Variants in MYO16 observed in about 807,000 individuals in gnomAD.
MYO16 encodes the protein unconventional myosin-XVI.
Under a neutral mutation model 205.3 loss-of-function variants are expected in MYO16, and 94 were observed. That is an observed-to-expected ratio of 0.46 (90% CI 0.39 to 0.54). The LOEUF (loss-of-function observed/expected upper bound fraction) is 0.54. Ranked by LOEUF, MYO16 falls within the 20% of genes least tolerant of loss-of-function variation. MYO16 has a pLI of 0.00. For missense variants in MYO16, 2,315 were observed against 2,387.5 expected (o/e 0.97, Z 0.63); for synonymous variants, 988 against 954.0 (o/e 1.04, Z -0.66).
intron 1 of MYO16, among the ~76,000 whole-genome samples, chr13:108,641,123 G>A (rs2139378280): frequency 6.6e-6 from 1 of 152,322 alleles, no homozygotes; most frequent in East Asian, 1.9e-4. Flanking sequence ...ACATATATTT[G>A]TGGTTGCAAA....
At chr13:108,750,483 T>C (rs1885196369) in intron 4 of MYO16, among the ~76,000 whole-genome samples, 1 of 151,950 alleles carries the variant, frequency 6.6e-6, no homozygotes, top group African/African-American at 2.4e-5. Context: ...AGTTAACAAT[T>C]CTGGGCAGGG....
intron 16 of MYO16, among the ~76,000 whole-genome samples, chr13:108,931,263 C>T (rs943741886): frequency 3.9e-5 from 6 of 152,224 alleles, no homozygotes; most frequent in Non-Finnish European, 4.4e-5. Flanking sequence ...TGTCTATTCT[C>T]ATTCAAGTTA....
intron 1 of MYO16, among the ~76,000 whole-genome samples, chr13:108,603,147 G>T (rs1321925995): frequency 6.6e-6 from 1 of 152,072 alleles, no homozygotes; most frequent in African/African-American, 2.4e-5. Context: ...CACACATCTC[G>T]CCTAAAAACC....
At chr13:108,689,157 T>G (rs572287930) in intron 2 of MYO16, among the ~76,000 whole-genome samples, 105 of 152,276 alleles carry the variant, frequency 6.9e-4, no homozygotes, top group African/African-American at 2.4e-3. Context: ...ATTGTTGATA[T>G]GACAACAATT....
rs560026126 is a variant in MYO16 at position 108,936,046 on chromosome 13, G to C, written c.1926-21642G>C. On this transcript the variant is annotated intron_variant, in intron 16 of 34. Transcript: ENST00000457511. ...ATTTGTTTTGCTAGTATTTCGTTGA[G>C]ATTTTTGTGTCTATGTTCATCAGGG... is the stretch of plus-strand genomic sequence containing the variant. 7.3e-5 allele frequency among the ~76,000 whole-genome samples: 11 copies of C among 151,478 alleles called. No individual in the cohort carries two copies. In the East Asian group the frequency reaches 1.7e-3, roughly 24 times the overall value.
At chr13:108,979,977 C>G (rs979336747) in intron 20 of MYO16, among the ~76,000 whole-genome samples, 10 of 151,954 alleles carry the variant, frequency 6.6e-5, no homozygotes, top group African/African-American at 2.4e-4. Context: ...ATCATGATAT[C>G]TATGATAAAT....
chr13:108,819,851 A>G (rs770581619), intron 7 of MYO16, among the ~76,000 whole-genome samples: 1 of 152,144 alleles, frequency 6.6e-6, no homozygotes. Context: ...AAAACACACT[A>G]TACCATATAA....
rs1029005857 is a variant in MYO16 at position 108,977,408 on chromosome 13, A to G, written c.2369+12506A>G. ...ATTTAGTGGCAGAATTGCAAGGAGAACGATTATTTGCATTTTCTTGATTGC... is the reference window on the plus strand; with the variant it reads ...ATTTAGTGGCAGAATTGCAAGGAGAGCGATTATTTGCATTTTCTTGATTGC... On this transcript the variant is annotated intron_variant, in intron 20 of 34. Transcript: ENST00000457511. Among the ~76,000 whole-genome samples, 14 of 152,270 alleles carry G rather than the reference A, an allele frequency of 9.2e-5. No homozygotes were observed. The East Asian group carries it at 2.7e-3, about 29-fold the overall frequency.
chr13:109,052,611 G>A (rs1214335089), intron 25 of MYO16, 136 bp downstream of exon 25: 1 of 684,726 alleles, frequency 1.5e-6, no homozygotes, highest in African/African-American at 1.8e-5. Flanking sequence ...GGAAAAGAAT[G>A]CCTATCTGAT....
intron 28 of MYO16, among the ~76,000 whole-genome samples, chr13:109,106,432 A>C (rs1395239881): frequency 2.0e-5 from 3 of 152,218 alleles, no homozygotes; most frequent in African/African-American, 7.2e-5. Flanking sequence ...GCCACAGAAG[A>C]GTGACTGGAC....
chr13:108,915,891 G>A (rs975176131), intron 16 of MYO16, among the ~76,000 whole-genome samples: 4 of 152,148 alleles, frequency 2.6e-5, no homozygotes, highest in East Asian at 1.9e-4. Context: ...GTCACCGCGC[G>A]CTTGAACTTG....
intron 1 of MYO16, among the ~76,000 whole-genome samples, chr13:108,635,637 A>G (rs1278938092): frequency 6.6e-6 from 1 of 151,848 alleles, no homozygotes; most frequent in East Asian, 1.9e-4. Context: ...AGTAGCTGGG[A>G]CTACGGGTGC....
chr13:109,173,887 CAAAAAAAAAA>C lies in MYO16; in HGVS notation c.5324-5637_5324-5628del, dbSNP rs778094207. On this transcript the variant is annotated intron_variant, in intron 33 of 34. Coordinates refer to ENST00000457511, the MANE Select transcript of MYO16 (RefSeq NM_001198950.3). ...TGGGTGACAGAGCGAGACTCCATCT[CAAAAAAAAAA>C]AAAAAAAAAAAAAAAAAGAGTATCT... 4.1e-4 allele frequency among the ~76,000 whole-genome samples: 12 copies of C among 29,122 alleles called. No homozygotes were observed. In the South Asian group the frequency reaches 0.01, roughly 24 times the overall value. 19.1% of individuals were successfully genotyped at this position (29,122 alleles called of 152,430 possible). A position where few individuals can be genotyped will look rare whatever the true frequency, so the allele number is the denominator to read the frequency against.
intron 16 of MYO16, among the ~76,000 whole-genome samples, chr13:108,952,801 A>G (rs1326110072): frequency 2.0e-5 from 3 of 152,250 alleles, no homozygotes; most frequent in Admixed American, 6.5e-5. Context: ...AGAGGATAAG[A>G]AAATAGGCTT....
chr13:108,765,917 A>T (rs1885763766), intron 4 of MYO16, among the ~76,000 whole-genome samples: 1 of 152,172 alleles, frequency 6.6e-6, no homozygotes, highest in Non-Finnish European at 1.5e-5. Flanking sequence ...TTCAATATAT[A>T]ATTCAACTGC....
rs556909507 is a variant in MYO16 at position 109,090,856 on chromosome 13, G to A, written c.3336-9929G>A. 1.7e-3 allele frequency among the ~76,000 whole-genome samples: 264 copies of A among 151,952 alleles called. 2 individuals carry two copies. Among genetic ancestry groups the A allele is most frequent in the Non-Finnish European group, 3.1e-3 (208 of 67,950 alleles). ...ACTTCTGCAATCCCCGCCCCTCCCC[G>A]TCCCATTTCTCTTTCTTATCCTTCC... On this transcript the variant is annotated intron_variant, in intron 27 of 34. Coordinates refer to ENST00000457511, the MANE Select transcript of MYO16 (RefSeq NM_001198950.3).
At chr13:108,500,552 TC>T in the MYO16 span, among the ~76,000 whole-genome samples, 3 of 152,018 alleles carry the variant, frequency 2.0e-5, no homozygotes, top group African/African-American at 7.2e-5. Flanking sequence ...TTGGTTTATT[TC>T]CTGCTGTTTT....
intron 1 of MYO16, among the ~76,000 whole-genome samples, chr13:108,600,455 G>T (rs776889360): frequency 5.9e-5 from 9 of 152,124 alleles, no homozygotes; most frequent in Non-Finnish European, 1.0e-4. Flanking sequence ...ACTTTCCTTT[G>T]TTAACATTGT....
intron 32 of MYO16, among the ~76,000 whole-genome samples, chr13:109,144,044 A>G (rs1239461241): frequency 1.8e-5 from 2 of 113,238 alleles, no homozygotes; most frequent in African/African-American, 6.5e-5. Context: ...TTTTTTTTTG[A>G]CGGAGTTTTG....
Sources: gnomAD v4.1 joint callset for allele counts (sites outside exome capture counted in the v4.1 genomes callset) on GRCh38, gnomAD v4.1.1 for gene constraint, MANE v1.5 for transcripts, NCBI Gene and HGNC (gene_info 2026-07-23, HGNC 2026-07-21) for gene names.